SDK1: variants seen among roughly 807,000 people sequenced by gnomAD.
SDK1 encodes the protein protein sidekick-1.
SDK1 carries 157 observed loss-of-function variants against 245.5 expected under a neutral mutation model. That is an observed-to-expected ratio of 0.64 (90% confidence interval 0.56 to 0.73). The LOEUF (loss-of-function observed/expected upper bound fraction) is 0.73, where lower values mean the gene tolerates loss of function less well. Ranked by LOEUF, SDK1 falls within the 30% of genes least tolerant of loss-of-function variation. The probability of loss-of-function intolerance (pLI) is 0.00; values close to 1 mark genes in which losing one functional copy is unlikely to be tolerated. For synonymous variants in SDK1, 1,647 were observed against 1,278.5 expected (o/e 1.29, Z -6.15); for missense variants, 3,583 against 3,002.3 (o/e 1.19, Z -4.52).
intron 4 of SDK1, among the ~76,000 whole-genome samples, chr7:3,818,565 C>G (rs1400038657): frequency 6.6e-6 from 1 of 152,080 alleles, no homozygotes; most frequent in Non-Finnish European, 1.5e-5. Flanking sequence ...TGCATAGAAC[C>G]CTTAAATCCA....
chr7:3,436,973 G>T (rs754598903), intron 1 of SDK1, among the ~76,000 whole-genome samples: 59 of 152,234 alleles, frequency 3.9e-4, no homozygotes, highest in Admixed American at 1.2e-3. Flanking sequence ...TAACGGATTA[G>T]TCACAATAAA....
At chr7:4,227,896 C>T (rs569321425) in intron 40 of SDK1, among the ~76,000 whole-genome samples, 1 of 152,196 alleles carries the variant, frequency 6.6e-6, no homozygotes, top group African/African-American at 2.4e-5. Context: ...GGGGGAGATG[C>T]TGGCACCAGA....
chr7:3,400,634 G>A (rs1024232461), intron 1 of SDK1, among the ~76,000 whole-genome samples: 2 of 152,176 alleles, frequency 1.3e-5, no homozygotes, highest in African/African-American at 4.8e-5. Context: ...GGTTACCTCA[G>A]ATGGTGGCAG....
chr7:3,421,262 G>A (rs1175111428), intron 1 of SDK1, among the ~76,000 whole-genome samples: 3 of 151,924 alleles, frequency 2.0e-5, no homozygotes, highest in African/African-American at 7.3e-5. Context: ...AATAGAGACA[G>A]GGTTTCACCA....
At chr7:3,502,776 A>G (rs11971403) in intron 1 of SDK1, among the ~76,000 whole-genome samples, 13,495 of 152,248 alleles carry the variant, frequency 0.089, 822 homozygotes, top group African/African-American at 0.17. Flanking sequence ...GCTAATTAAC[A>G]ACACATTTCT....
At chr7:3,830,870 A>G (rs891622755) in intron 5 of SDK1, among the ~76,000 whole-genome samples, 1 of 152,218 alleles carries the variant, frequency 6.6e-6, no homozygotes, top group Admixed American at 6.5e-5. Flanking sequence ...ATTTCAGTTT[A>G]TAGGGAATTG....
chr7:3,767,134 A>C (rs1780277218), intron 4 of SDK1, among the ~76,000 whole-genome samples: 1 of 152,166 alleles, frequency 6.6e-6, no homozygotes, highest in Non-Finnish European at 1.5e-5. Flanking sequence ...TCCTTCTCTA[A>C]GGCATCTAGA....
intron 14 of SDK1, among the ~76,000 whole-genome samples, chr7:3,990,056 G>A (rs961197973): frequency 3.3e-5 from 5 of 152,362 alleles, no homozygotes; most frequent in East Asian, 1.9e-4. Flanking sequence ...GCACTACAGC[G>A]GGGCTTCAGG....
intron 1 of SDK1, among the ~76,000 whole-genome samples, chr7:3,416,099 G>C (rs976876971): frequency 6.6e-6 from 1 of 152,184 alleles, no homozygotes; most frequent in African/African-American, 2.4e-5. Flanking sequence ...CTCCTTTAAA[G>C]TATGAAGTAT....
chr7:4,057,994 T>G (rs1008120210), intron 19 of SDK1, among the ~76,000 whole-genome samples: 6 of 151,708 alleles, frequency 4.0e-5, no homozygotes, highest in African/African-American at 1.5e-4. Flanking sequence ...ACAAGAAATA[T>G]GAAAATGCAA....
intron 40 of SDK1, among the ~76,000 whole-genome samples, chr7:4,225,247 C>T (rs1227404506): frequency 6.6e-6 from 1 of 152,148 alleles, no homozygotes; most frequent in South Asian, 2.1e-4. Context: ...AAAGGATACA[C>T]AGACTTGCTC....
At chr7:4,091,351 T>TTTTTTG (rs1562796023) in intron 22 of SDK1, among the ~76,000 whole-genome samples, 10 of 143,170 alleles carry the variant, frequency 7.0e-5, no homozygotes, top group Admixed American at 1.4e-4. Context: ...TTTTTTTTTT[T>TTTTTTG]TTTTTGTTTG....
In SDK1 at chr7:4,239,990, T is replaced by G. The variant is rs113479251; in HGVS notation, c.6131-1803T>G. Among the ~76,000 whole-genome samples, 349 of 152,366 alleles carry G rather than the reference T, an allele frequency of 2.3e-3. 2 individuals are homozygous for G. The highest frequency in any genetic ancestry group is 7.9e-3 in the African/African-American group (329 of 41,582). On this transcript the variant is annotated intron_variant, in intron 42 of 44. Coordinates refer to ENST00000404826, the MANE Select transcript of SDK1 (RefSeq NM_152744.4). The stretch of plus-strand genomic sequence containing the variant: ...CCAGTCACCTAAAATGCCTCCTTAT[T>G]TGCTTCTATAATGTTAAGCAATTCA...
intron 4 of SDK1, among the ~76,000 whole-genome samples, chr7:3,805,800 C>T (rs1013503137): frequency 1.3e-5 from 2 of 152,112 alleles, no homozygotes; most frequent in East Asian, 1.9e-4. Context: ...GAAATATTGT[C>T]AAGGCAATTC....
chr7:3,585,942 A>G (rs1022781132), intron 1 of SDK1, among the ~76,000 whole-genome samples: 6 of 152,226 alleles, frequency 3.9e-5, no homozygotes, highest in Non-Finnish European at 7.4e-5. Context: ...TAAAGGAGAC[A>G]CAGTATGTGG....
chr7:4,165,232 G>A (rs1389804956), intron 32 of SDK1, among the ~76,000 whole-genome samples: 3 of 152,092 alleles, frequency 2.0e-5, no homozygotes, highest in Non-Finnish European at 2.9e-5. Context: ...GGTGATGGGC[G>A]CCTGTAATCC....
chr7:4,164,746 T>G (rs963418317), intron 32 of SDK1, among the ~76,000 whole-genome samples: 9 of 152,174 alleles, frequency 5.9e-5, no homozygotes, highest in African/African-American at 9.6e-5. Context: ...CGAGCTCCCC[T>G]TGGTGCTGCT....
At chr7:3,922,882 A>G (rs1779642182) in intron 5 of SDK1, among the ~76,000 whole-genome samples, 1 of 152,280 alleles carries the variant, frequency 6.6e-6, no homozygotes, top group Non-Finnish European at 1.5e-5. Context: ...TGGAATTCCT[A>G]CTGTGCTTAT....
intron 14 of SDK1, among the ~76,000 whole-genome samples, chr7:3,992,645 C>A (rs1193663247): frequency 6.6e-6 from 1 of 152,108 alleles, no homozygotes; most frequent in Non-Finnish European, 1.5e-5. Context: ...AATGATCTTT[C>A]TTTGAGATTA....
Sources: gnomAD v4.1 joint callset for allele counts (sites outside exome capture counted in the v4.1 genomes callset) on GRCh38, gnomAD v4.1.1 for gene constraint, MANE v1.5 for transcripts, NCBI Gene and HGNC (gene_info 2026-07-23, HGNC 2026-07-21) for gene names.